The following CELSR1 variants were observed in gnomAD, a reference collection of about 807,000 sequenced individuals.
CELSR1 encodes cadherin EGF LAG seven-pass G-type receptor 1, also known as adhesion G protein-coupled receptor C1.
In CELSR1, 110 loss-of-function variants were observed where a neutral mutation model predicts 249.1. The ratio of observed to expected loss-of-function variants is 0.44; its 90% CI spans 0.38 to 0.52. The LOEUF (loss-of-function observed/expected upper bound fraction) is 0.52. Among genes scored for constraint, CELSR1 ranks in the 20% least tolerant of loss-of-function variants. The pLI is 0.00. For synonymous variants in CELSR1, 2,113 were observed against 1,900.0 expected, an observed-to-expected ratio of 1.11 and a Z score of -2.92; for missense variants, 4,109 against 4,296.4, an observed-to-expected ratio of 0.96 and a Z score of 1.22.
chr22:46,475,660 G>GC lies in CELSR1; in HGVS notation c.3545-11316_3545-11315insG, dbSNP rs67126097. Among the ~76,000 whole-genome samples, 27 of 20,286 alleles carry GC rather than the reference G, an allele frequency of 1.3e-3. 1 individual carries two copies. In the East Asian group the frequency reaches 0.13, roughly 98 times the overall value. The allele number at this position is 20,286 out of a possible 152,430, so 13.3% of individuals were successfully genotyped here. On this transcript the variant is annotated intron_variant, in intron 1 of 34. Transcript: ENST00000674500. ...TGCAATTAAAAATAAAGAAACGAAT[G>GC]GGGGGGGAAGAAACAAGGAGAAATG...
chr22:46,410,011 C>G lies in CELSR1; in HGVS notation c.4934-131G>C. The G allele has an allele frequency of 8.6e-7, 1 of 1,158,652 alleles. No individual in the cohort carries two copies. Among genetic ancestry groups the G allele is most frequent in the Non-Finnish European group, 1.2e-6 (1 of 818,026 alleles). The allele number at this position is 1,158,652 out of a possible 1,614,324, so 71.8% of individuals were successfully genotyped here. On this transcript the variant is annotated intron_variant, in intron 7 of 34. Coordinates refer to ENST00000674500, the MANE Select transcript of CELSR1 (RefSeq NM_001378328.1). This position sits in a 1 kb window ranked among gnomAD's most constrained non-coding sequence, Gnocchi z 6.8. ...ACAGAAGTCAGACCAGGTCTGAACG[C>G]CCCTGGCAACGGCAGGAACATGGGA...
chr22:46,461,366 GAA>G (rs1474775565), intron 2 of CELSR1, among the ~76,000 whole-genome samples: 1 of 152,196 alleles, frequency 6.6e-6, no homozygotes, highest in Non-Finnish European at 1.5e-5. Context: ...CCGATGAAAA[GAA>G]AACCTGAGAA....
At chr22:46,368,990 T>G in intron 27 of CELSR1, 189 bp downstream of exon 27, 2 of 533,234 alleles carry the variant, frequency 3.8e-6, no homozygotes, top group East Asian at 3.2e-5. Context: ...TCCCCTCAGC[T>G]AACCTCCCCC....
In CELSR1 at chr22:46,390,344, GAACA is replaced by G; in HGVS notation, c.6345+44_6345+47del. On this transcript the variant is annotated intron_variant, in intron 17 of 34. Coordinates refer to ENST00000674500, the MANE Select transcript of CELSR1 (RefSeq NM_001378328.1). This position sits in a 1 kb window ranked among gnomAD's most constrained non-coding sequence, Gnocchi z 6.3. Reference sequence around the variant, plus strand: ...CACACAAACTCTCTCACGCATACACGAACACACACGTGCCCCTGCTGAACACACA... The same window carrying G: ...CACACAAACTCTCTCACGCATACACGCACACGTGCCCCTGCTGAACACACA... 6.9e-7 allele frequency: 1 copy of G among 1,454,966 alleles called. No homozygotes were observed. Among genetic ancestry groups the G allele is most frequent in the South Asian group, 1.2e-5 (1 of 82,994 alleles). 90.1% of individuals were successfully genotyped at this position (1,454,966 alleles called of 1,614,324 possible).
intron 2 of CELSR1, among the ~76,000 whole-genome samples, chr22:46,442,868 G>T (rs2079768652): frequency 1.3e-5 from 2 of 151,968 alleles, no homozygotes; most frequent in South Asian, 4.2e-4. Context: ...AAGGCGGGAG[G>T]ATCATGAGAT....
Position 46,384,597 on chromosome 22 carries a change from G to T in CELSR1, c.6829C>A (p.Leu2277Met), listed in dbSNP as rs140685742. 3.3e-5 allele frequency: 53 copies of T among 1,613,650 alleles called. No homozygotes were observed. The highest frequency in any genetic ancestry group is 4.5e-5 in the Non-Finnish European group (53 of 1,179,896). ...GCTGGGAAGGAGACGGAGGACTCCA[G>T]CTCCCTGGGGAACTCTTCATGGATG... ...DTIHEEFPRE[L>M]ESSVSFPADF... The change falls in exon 20 of 35, where the codon CTG becomes ATG. Residue 2277 changes from leucine to methionine, a missense_variant. Coordinates refer to ENST00000674500, the MANE Select transcript of CELSR1 (RefSeq NM_001378328.1).
At chr22:46,444,555 T>C (rs528905526) in intron 2 of CELSR1, among the ~76,000 whole-genome samples, 26 of 152,294 alleles carry the variant, frequency 1.7e-4, no homozygotes, top group African/African-American at 6.0e-4. Flanking sequence ...AAAACTAATC[T>C]CCATGGAATT....
chr22:46,435,158 C>A (rs973161324), intron 4 of CELSR1, among the ~76,000 whole-genome samples: 1 of 151,660 alleles, frequency 6.6e-6, no homozygotes, highest in African/African-American at 2.4e-5. Context: ...CGCTATATTG[C>A]CCAGGCTGGT....
chr22:46,453,214 G>A (rs976477259), intron 2 of CELSR1, among the ~76,000 whole-genome samples: 5 of 152,168 alleles, frequency 3.3e-5, no homozygotes, highest in Admixed American at 6.5e-5. Flanking sequence ...TGGAAGGGAC[G>A]TGCCCGGTGC....
At position 46,436,265 on chromosome 22, in the gene CELSR1, G is replaced by A; in HGVS notation, c.4431C>T (p.Gly1477=). Residue 1477 remains glycine (G), a synonymous_variant, in exon 4 of 35, where the codon GGC becomes GGT. Coordinates refer to ENST00000674500, the MANE Select transcript of CELSR1 (RefSeq NM_001378328.1). This position sits in a 1 kb window ranked among gnomAD's most constrained non-coding sequence, Gnocchi z 5.9. The part of the protein sequence containing the change: ...SLTFATQERN[G]LLLYNGRFNE... ...TGAAGCGGCCGTTGTAGAGAAGCAA[G>A]CCGTTCCTTTCCTGAGTGGCAAACC... 1 of 1,614,092 alleles carries A rather than the reference G, an allele frequency of 6.2e-7. No homozygotes were observed. The highest frequency in any genetic ancestry group is 1.1e-5 in the South Asian group (1 of 91,082).
chr22:46,447,618 T>C lies in CELSR1; in HGVS notation c.4184-8207A>G, dbSNP rs1170597290. On this transcript the variant is annotated intron_variant, in intron 2 of 34. Coordinates refer to ENST00000674500, the MANE Select transcript of CELSR1 (RefSeq NM_001378328.1). This position sits in a 1 kb window ranked among gnomAD's most constrained non-coding sequence, Gnocchi z 4.7. The stretch of plus-strand genomic sequence containing the variant: ...AGGAGGGACGCAGGGCTCAGCTTCC[T>C]GGCTATAGTACAGAAAAGCTTTTTA... Among the ~76,000 whole-genome samples the C allele has an allele frequency of 6.6e-6, 1 of 152,204 alleles. No individual in the cohort carries two copies. Among genetic ancestry groups the C allele is most frequent in the Non-Finnish European group, 1.5e-5 (1 of 68,034 alleles).
At chr22:46,469,990 GGGA>G (rs2080138393) in intron 1 of CELSR1, among the ~76,000 whole-genome samples, 1 of 120,052 alleles carries the variant, frequency 8.3e-6, no homozygotes, top group Non-Finnish European at 1.9e-5. Flanking sequence ...GAGGAGGGGA[GGGA>G]GGGAGGGAGA....
At chr22:46,431,885 C>T (rs999494450) in intron 5 of CELSR1, among the ~76,000 whole-genome samples, 11 of 152,252 alleles carry the variant, frequency 7.2e-5, no homozygotes, top group Non-Finnish European at 1.2e-4. Flanking sequence ...GCACCTCTGT[C>T]AAGCACATGG....
chr22:46,368,835 C>G (rs2078817353), intron 27 of CELSR1, among the ~76,000 whole-genome samples: 2 of 152,096 alleles, frequency 1.3e-5, no homozygotes, highest in Non-Finnish European at 2.9e-5. Flanking sequence ...CCCTCACCAC[C>G]CACCAGAAAG....
At position 46,393,277 on chromosome 22, in the gene CELSR1, C is replaced by T. The variant is rs2079113179; in HGVS notation, c.5964+865G>A. Among the ~76,000 whole-genome samples, 1 of 152,146 alleles carries T rather than the reference C, an allele frequency of 6.6e-6. No homozygotes were observed. Among genetic ancestry groups the T allele is most frequent in the African/African-American group, 2.4e-5 (1 of 41,438 alleles). On this transcript the variant is annotated intron_variant, in intron 14 of 34. Transcript: ENST00000674500. This position sits in a 1 kb window ranked among gnomAD's most constrained non-coding sequence, Gnocchi z 4.1. Reference sequence around the variant, plus strand: ...TCCTGAGAGGGCTGGGGAGGGGTCCCTAGAGTCTGCACTGAGAACGCGTGT... The same window carrying T: ...TCCTGAGAGGGCTGGGGAGGGGTCCTTAGAGTCTGCACTGAGAACGCGTGT...
At position 46,429,405 on chromosome 22, in the gene CELSR1, C is replaced by T. The variant is rs756780642; in HGVS notation, c.4611+3988G>A. 3.3e-5 allele frequency among the ~76,000 whole-genome samples: 5 copies of T among 152,208 alleles called. No individual in the cohort carries two copies. Among genetic ancestry groups the T allele is most frequent in the Non-Finnish European group, 2.9e-5 (2 of 68,040 alleles). On this transcript the variant is annotated intron_variant, in intron 5 of 34. Transcript: ENST00000674500. The surrounding 1 kb of genome is among the most constrained non-coding windows in gnomAD (Gnocchi z 4.1). Reference sequence around the variant, plus strand: ...AAGCAACGACTGAAAATGCTCCACTCGGCCCCAAACCTCCCGGCGTGGCTG... The same window carrying T: ...AAGCAACGACTGAAAATGCTCCACTTGGCCCCAAACCTCCCGGCGTGGCTG...
At chr22:46,521,731 C>T (rs965154958) in intron 1 of CELSR1, among the ~76,000 whole-genome samples, 3 of 148,998 alleles carry the variant, frequency 2.0e-5, no homozygotes, top group Non-Finnish European at 1.5e-5. Context: ...GCAGGAGAAT[C>T]GCTTGAACCC....
rs1277821856 is a variant in CELSR1 at position 46,484,263 on chromosome 22, A to C, written c.3545-19918T>G. On this transcript the variant is annotated intron_variant, in intron 1 of 34. Coordinates refer to ENST00000674500, the MANE Select transcript of CELSR1 (RefSeq NM_001378328.1). The surrounding 1 kb of genome is among the most constrained non-coding windows in gnomAD (Gnocchi z 4.5). ...CAGGGCCCACCAGCCCCAGCTGCTCAGTCCCAAGCAAGACCGCTGGGAGGG... is the reference window on the plus strand; with the variant it reads ...CAGGGCCCACCAGCCCCAGCTGCTCCGTCCCAAGCAAGACCGCTGGGAGGG... Among the ~76,000 whole-genome samples the C allele has an allele frequency of 1.3e-5, 2 of 152,172 alleles. No homozygotes were observed. Among genetic ancestry groups the C allele is most frequent in the African/African-American group, 2.4e-5 (1 of 41,450 alleles).
Position 46,434,414 on chromosome 22 carries a change from C to G in CELSR1, c.4523-933G>C, listed in dbSNP as rs75620276. On this transcript the variant is annotated intron_variant, in intron 4 of 34. Coordinates refer to ENST00000674500, the MANE Select transcript of CELSR1 (RefSeq NM_001378328.1). The surrounding 1 kb of genome is among the most constrained non-coding windows in gnomAD (Gnocchi z 4.9). ...AGGTCCCGGGCAGAGAATACCGTCTCCAGGGAACCAGCAGGAGTTCTGGAA... is the reference window on the plus strand; with the variant it reads ...AGGTCCCGGGCAGAGAATACCGTCTGCAGGGAACCAGCAGGAGTTCTGGAA... Among the ~76,000 whole-genome samples, 1,253 of 152,304 alleles carry G rather than the reference C, an allele frequency of 8.2e-3. 18 individuals are homozygous for G. Among genetic ancestry groups the G allele is most frequent in the African/African-American group, 0.028 (1,177 of 41,558 alleles).
Sources: allele counts gnomAD v4.1 joint callset (sites outside exome capture counted in the v4.1 genomes callset), GRCh38; gene constraint gnomAD v4.1.1; non-coding constraint Gnocchi (gnomAD v3.1); transcripts MANE v1.5; gene names NCBI Gene and HGNC (gene_info 2026-07-23, HGNC 2026-07-21).